Variants in SEC61B observed in about 807,000 individuals in gnomAD.
SEC61B encodes the protein protein transport protein Sec61 subunit beta.
In SEC61B, 7 loss-of-function variants were observed where a neutral mutation model predicts 12.6. That is an observed-to-expected ratio of 0.55 (90% CI 0.32 to 1.04). SEC61B has a LOEUF of 1.04. Among genes scored for constraint, SEC61B ranks in the 50% least tolerant of loss-of-function variants. The probability of loss-of-function intolerance (pLI) is 0.05; values close to 1 mark genes in which losing one functional copy is unlikely to be tolerated. For missense variants in SEC61B, 107 were observed against 130.1 expected, an observed-to-expected ratio of 0.82 and a Z score of 0.86; for synonymous variants, 54 against 50.1, an observed-to-expected ratio of 1.08 and a Z score of -0.33.
At chr9:99,225,169 G>A (rs909324654) in intron 2 of SEC61B, among the ~76,000 whole-genome samples, 3 of 152,200 alleles carry the variant, frequency 2.0e-5, no homozygotes, top group East Asian at 1.9e-4. Context: ...CTCCGAAGAT[G>A]GGTCTGTGAA....
At chr9:99,228,186 G>C (rs554970295) in intron 3 of SEC61B, among the ~76,000 whole-genome samples, 186 bp downstream of exon 3, 161 of 152,346 alleles carry the variant, frequency 1.1e-3, no homozygotes, top group Non-Finnish European at 2.0e-3. Flanking sequence ...GTAGGGCCGG[G>C]AATGACATCT....
Position 99,230,467 on chromosome 9 carries a change from C to T in SEC61B, c.*43C>T. 1 of 1,350,180 alleles carries T rather than the reference C, an allele frequency of 7.4e-7. No individual in the cohort carries two copies. The highest frequency in any genetic ancestry group is 1.1e-6 in the Non-Finnish European group (1 of 950,530). The allele number at this position is 1,350,180 out of a possible 1,614,324, so 83.6% of individuals were successfully genotyped here. ...TGTCATCTGAAGAAGGAGGAAAAAA[C>T]CCAACATTTCTTGGACCAAAAGTAT... On this transcript the variant is annotated 3_prime_UTR_variant, in exon 4 of 4. Coordinates refer to ENST00000223641, the MANE Select transcript of SEC61B (RefSeq NM_006808.3).
intron 2 of SEC61B, 155 bp downstream of exon 2, chr9:99,222,798 G>A (rs1828846071): frequency 5.2e-6 from 3 of 573,002 alleles, no homozygotes; most frequent in Non-Finnish European, 9.1e-6. Context: ...CCTTTTGGGA[G>A]GAAGGCGACA....
chr9:99,224,400 T>C (rs1437709561), intron 2 of SEC61B, among the ~76,000 whole-genome samples: 1 of 152,176 alleles, frequency 6.6e-6, no homozygotes, highest in Non-Finnish European at 1.5e-5. Context: ...ATGGAAAACA[T>C]GTCCTGTGGG....
At position 99,230,340 on chromosome 9, in the gene SEC61B, C is replaced by T. The variant is rs758359149; in HGVS notation, c.207C>T (p.Gly69=). The change falls in exon 4 of 4, where the codon GGC becomes GGT. Residue 69 remains glycine (G), a synonymous_variant. Transcript: ENST00000223641. ...TGCTTTCTCTTCTTATTTCTAGTGG[C>T]CCTGTTCCAGTATTGGTTATGAGTC... ...YTEDSPGLKV[G]PVPVLVMSLL... is the part of the protein sequence containing the mutation. 6.3e-7 allele frequency: 1 copy of T among 1,594,038 alleles called. No individual in the cohort carries two copies. Among genetic ancestry groups the T allele is most frequent in the Non-Finnish European group, 8.6e-7 (1 of 1,166,424 alleles).
intron 2 of SEC61B, 79 bp downstream of exon 2, chr9:99,222,722 T>A: frequency 2.0e-6 from 2 of 1,024,926 alleles, no homozygotes; most frequent in Non-Finnish European, 2.8e-6. Context: ...GTGGAGACCC[T>A]AGCATGTGAA....
At chr9:99,230,283 A>G in intron 3 of SEC61B, 54 bp from the exon 4 acceptor site, 1 of 1,174,376 alleles carries the variant, frequency 8.5e-7, no homozygotes, top group Non-Finnish European at 1.3e-6. Flanking sequence ...AGTATTGCAG[A>G]TCTAATAGTA....
chr9:99,223,335 A>AAAC (rs1564225929), intron 2 of SEC61B, among the ~76,000 whole-genome samples: 11 of 148,846 alleles, frequency 7.4e-5, no homozygotes, highest in African/African-American at 2.6e-4. Context: ...AAACAAACAA[A>AAAC]AAAAAAAAAC....
chr9:99,222,565 G>A lies in SEC61B; in HGVS notation c.23G>A (p.Gly8Asp), dbSNP rs1215823447. The change falls in exon 2 of 4, where the codon GGC (glycine) becomes GAC (aspartate). Residue 8 changes from glycine (G) to aspartate (D), a missense_variant. Physicochemically the swap from Gly to Asp is moderately conservative, Grantham distance 94. Coordinates refer to ENST00000223641, the MANE Select transcript of SEC61B (RefSeq NM_006808.3). MPGPTPS[G>D]TNVGSSGRSP... ...CTACAGCCTGGTCCGACCCCCAGTGGCACTAACGTGGGATCCTCAGGGCGC... is the reference window on the plus strand; with the variant it reads ...CTACAGCCTGGTCCGACCCCCAGTGACACTAACGTGGGATCCTCAGGGCGC... 2 of 1,573,478 alleles carry A rather than the reference G, an allele frequency of 1.3e-6. No homozygotes were observed. Among genetic ancestry groups the A allele is most frequent in the Non-Finnish European group, 8.6e-7 (1 of 1,159,746 alleles).
At position 99,230,438 on chromosome 9, in the gene SEC61B, CATCT is replaced by C. The variant is rs747039307; in HGVS notation, c.*15_*18del. ...ACTCGTTCGTAGATTCAGTTACATC[CATCT>C]GTCATCTGAAGAAGGAGGAAAAAAC... is the stretch of plus-strand genomic sequence containing the variant. On this transcript the variant is annotated 3_prime_UTR_variant, in exon 4 of 4. Transcript: ENST00000223641. 9.8e-6 allele frequency: 15 copies of C among 1,529,810 alleles called. No homozygotes were observed. The highest frequency in any genetic ancestry group is 6.9e-5 in the African/African-American group (5 of 72,670). 94.8% of individuals were successfully genotyped at this position (1,529,810 alleles called of 1,614,324 possible). A position where few individuals can be genotyped will look rare whatever the true frequency, so the allele number is the denominator to read the frequency against.
intron 2 of SEC61B, 78 bp downstream of exon 2, chr9:99,222,721 C>A (rs546409310): frequency 2.9e-6 from 3 of 1,035,854 alleles, no homozygotes; most frequent in Non-Finnish European, 4.1e-6. Flanking sequence ...GGTGGAGACC[C>A]TAGCATGTGA....
chr9:99,223,302 C>G lies in SEC61B; in HGVS notation c.101+659C>G, dbSNP rs573442109. 7 of 149,936 alleles carry G rather than the reference C, an allele frequency of 4.7e-5. No individual in the cohort carries two copies. In the East Asian group the frequency reaches 8.3e-4, roughly 18 times the overall value. 9.3% of individuals were successfully genotyped at this position (149,936 alleles called of 1,614,324 possible). Reference sequence around the variant, plus strand: ...TTACTCTTCTGCGTAGTTTCTGTTACTTGTTGCTGAACTAAAAAAAACAAA... The same window carrying G: ...TTACTCTTCTGCGTAGTTTCTGTTAGTTGTTGCTGAACTAAAAAAAACAAA... On this transcript the variant is annotated intron_variant, in intron 2 of 3. Coordinates refer to ENST00000223641, the MANE Select transcript of SEC61B (RefSeq NM_006808.3).
chr9:99,223,270 T>C (rs1395833058), intron 2 of SEC61B: 1 of 151,850 alleles, frequency 6.6e-6, no homozygotes, highest in Non-Finnish European at 1.5e-5. Flanking sequence ...CATCGTTCGC[T>C]CTGCTGTTAC....
Position 99,222,306 on chromosome 9 carries a change from G to T in SEC61B, c.-58G>T. ...CAGTCTCGCCAGCTGCCGGTCTTTCGGGGGCTCCGTAACTTTCTATCCGTC... is the reference window on the plus strand; with the variant it reads ...CAGTCTCGCCAGCTGCCGGTCTTTCTGGGGCTCCGTAACTTTCTATCCGTC... On this transcript the variant is annotated 5_prime_UTR_variant, in exon 1 of 4. Coordinates refer to ENST00000223641, the MANE Select transcript of SEC61B (RefSeq NM_006808.3). 6.2e-7 allele frequency: 1 copy of T among 1,613,662 alleles called. No individual in the cohort carries two copies. Among genetic ancestry groups the T allele is most frequent in the Non-Finnish European group, 8.5e-7 (1 of 1,179,724 alleles).
rs138098489 is a variant in SEC61B, at chr9:99,226,467, A to G, written c.102-1432A>G. On this transcript the variant is annotated intron_variant, in intron 2 of 3. Coordinates refer to ENST00000223641, the MANE Select transcript of SEC61B (RefSeq NM_006808.3). Reference sequence around the variant, plus strand: ...CCCTTCCCTTTTTCAAAAATCCAGAATCATCAGCCCACAGATACTGGAATG... The same window carrying G: ...CCCTTCCCTTTTTCAAAAATCCAGAGTCATCAGCCCACAGATACTGGAATG... Among the ~76,000 whole-genome samples the G allele has an allele frequency of 7.8e-4, 118 of 152,246 alleles. No individual in the cohort carries two copies. The South Asian group carries it at 8.9e-3, about 11-fold the overall frequency.
chr9:99,222,967 GCA>G, intron 2 of SEC61B: 1 of 254,556 alleles, frequency 3.9e-6, no homozygotes. Flanking sequence ...GGCCCCATAA[GCA>G]ATCTGTCCTA....
At chr9:99,225,143 C>T (rs918496610) in intron 2 of SEC61B, among the ~76,000 whole-genome samples, 1 of 152,174 alleles carries the variant, frequency 6.6e-6, no homozygotes, top group African/African-American at 2.4e-5. Flanking sequence ...CTACTACATG[C>T]CAAATGCTGT....
intron 2 of SEC61B, chr9:99,222,945 T>C (rs1828848538): frequency 1.1e-5 from 3 of 284,508 alleles, no homozygotes; most frequent in Non-Finnish European, 2.0e-5. Flanking sequence ...TGCACTCACA[T>C]TTCCATCTGG....
At chr9:99,223,463 G>A (rs187155961) in intron 2 of SEC61B, among the ~76,000 whole-genome samples, 1 of 150,748 alleles carries the variant, frequency 6.6e-6, no homozygotes, top group Non-Finnish European at 1.5e-5. Flanking sequence ...GCACGATCTC[G>A]GCTCACTACA....
Sources: allele counts gnomAD v4.1 joint callset (sites outside exome capture counted in the v4.1 genomes callset), GRCh38; gene constraint gnomAD v4.1.1; transcripts MANE v1.5; gene names NCBI Gene and HGNC (gene_info 2026-07-23, HGNC 2026-07-21).